SPRY3: variants seen among roughly 807,000 people sequenced by gnomAD.
The protein encoded by SPRY3 is protein sprouty homolog 3.
A neutral mutation model predicts 20.2 loss-of-function variants in SPRY3; 15 were observed. That is an observed-to-expected ratio of 0.74 (90% CI 0.50 to 1.14). The LOEUF (loss-of-function observed/expected upper bound fraction) is 1.14. Among genes scored for constraint, SPRY3 ranks in the 50% most tolerant of loss-of-function variants. The probability of loss-of-function intolerance (pLI) is 0.00; values close to 1 mark genes in which losing one functional copy is unlikely to be tolerated. For missense variants in SPRY3, 364 were observed against 363.9 expected (o/e 1.00, Z 0.00); for synonymous variants, 143 against 136.5 (o/e 1.05, Z -0.33).
Position 155,750,175 on chromosome X carries a change from G to A in SPRY3, c.-281-17787G>A, listed in dbSNP as rs1192033280. 1.3e-4 allele frequency among the ~76,000 whole-genome samples: 20 copies of A among 151,836 alleles called. No individual in the cohort carries two copies. In the Admixed American group the frequency reaches 1.3e-3, roughly 10 times the overall value. On this transcript the variant is annotated intron_variant, in intron 2 of 3. Transcript: ENST00000675360. ...CCATTATCCCAAGCAAACTAATGCAGGAACAGAAAACCAAATACCACATGT... is the reference window on the plus strand; with the variant it reads ...CCATTATCCCAAGCAAACTAATGCAAGAACAGAAAACCAAATACCACATGT...
intron 2 of SPRY3, among the ~76,000 whole-genome samples, chrX:155,759,679 A>G (rs1442115083): frequency 6.6e-6 from 1 of 152,168 alleles, no homozygotes; most frequent in Admixed American, 6.5e-5. Flanking sequence ...AATTTAGTAA[A>G]GGAAATAGGC....
At chrX:155,765,700 C>G (rs2091323796) in intron 2 of SPRY3, among the ~76,000 whole-genome samples, 1 of 152,060 alleles carries the variant, frequency 6.6e-6, no homozygotes, top group African/African-American at 2.4e-5. Context: ...TTAATATAGG[C>G]CCACAGAGTA....
chrX:155,713,869 T>C lies in SPRY3; in HGVS notation c.-281-54093T>C, dbSNP rs1401088016. Reference sequence around the variant, plus strand: ...AGACTATTTTCCAGATCTGTAGGCATACTTCATTTTTTTATTCTTTTTTAT... The same window carrying C: ...AGACTATTTTCCAGATCTGTAGGCACACTTCATTTTTTTATTCTTTTTTAT... On this transcript the variant is annotated intron_variant, in intron 2 of 3. Coordinates refer to ENST00000675360, the Ensembl canonical transcript of SPRY3. 2.0e-5 allele frequency among the ~76,000 whole-genome samples: 3 copies of C among 152,162 alleles called. No individual in the cohort carries two copies. In the East Asian group the frequency reaches 5.8e-4, roughly 29 times the overall value.
chrX:155,658,420 T>C (rs916645290), intron 2 of SPRY3, among the ~76,000 whole-genome samples: 1 of 111,998 alleles, frequency 8.9e-6, no homozygotes, highest in East Asian at 2.8e-4. Context: ...TTAAATACAT[T>C]CCTAGGTATT....
At chrX:155,685,498 T>C (rs1299493405) in intron 2 of SPRY3, among the ~76,000 whole-genome samples, 1 of 109,420 alleles carries the variant, frequency 9.1e-6, no homozygotes, top group Non-Finnish European at 1.9e-5. Context: ...GTTGTACATA[T>C]TATTTCCTCA....
At chrX:155,708,470 C>G (rs953131193) in intron 2 of SPRY3, among the ~76,000 whole-genome samples, 9 of 151,392 alleles carry the variant, frequency 5.9e-5, no homozygotes, top group African/African-American at 1.2e-4. Flanking sequence ...AGCATCTTGA[C>G]TAGGATGTGT....
intron 2 of SPRY3, among the ~76,000 whole-genome samples, chrX:155,669,575 C>T (rs2068034117): frequency 9.0e-6 from 1 of 110,937 alleles, no homozygotes; most frequent in African/African-American, 3.3e-5. Context: ...AAACATTAGA[C>T]AATTGAATCA....
intron 2 of SPRY3, among the ~76,000 whole-genome samples, chrX:155,733,972 G>A (rs908355777): frequency 1.3e-5 from 2 of 152,098 alleles, no homozygotes; most frequent in Non-Finnish European, 2.9e-5. Flanking sequence ...TGGCTTAATG[G>A]AATATTGTGG....
chrX:155,616,123 TCTCTCTCCTCTCTCTC>T, intron 1 of SPRY3, among the ~76,000 whole-genome samples: 1 of 50,874 alleles, frequency 2.0e-5, no homozygotes, highest in African/African-American at 4.7e-5. Context: ...TCTCTCTCTC[TCTCTCTCCTCTCTCTC>T]TCTCTCTCTC....
chrX:155,627,770 AT>A (rs2067893065), intron 1 of SPRY3, among the ~76,000 whole-genome samples: 1 of 109,959 alleles, frequency 9.1e-6, no homozygotes, highest in Non-Finnish European at 1.9e-5. Context: ...TCATCTAGGT[AT>A]TAAGCCCCAC....
chrX:155,633,842 G>A (rs1465783165), intron 1 of SPRY3, among the ~76,000 whole-genome samples: 1 of 111,894 alleles, frequency 8.9e-6, no homozygotes, highest in Admixed American at 9.5e-5. Context: ...TATTGTAGGA[G>A]GAGGCAAGTA....
At chrX:155,744,238 T>A (rs1463400654) in intron 2 of SPRY3, among the ~76,000 whole-genome samples, 1 of 151,972 alleles carries the variant, frequency 6.6e-6, no homozygotes, top group African/African-American at 2.4e-5. Flanking sequence ...CAGTAGAAAG[T>A]CCAGCCAAAT....
At chrX:155,715,428 G>A (rs1170936074) in intron 2 of SPRY3, among the ~76,000 whole-genome samples, 2 of 152,148 alleles carry the variant, frequency 1.3e-5, no homozygotes, top group Non-Finnish European at 2.9e-5. Context: ...TTATCTTGAT[G>A]TAGCTGAGCT....
At chrX:155,707,327 A>C (rs968836736) in intron 2 of SPRY3, among the ~76,000 whole-genome samples, 7 of 151,172 alleles carry the variant, frequency 4.6e-5, no homozygotes, top group Admixed American at 6.6e-5. Flanking sequence ...TTCTAATCTA[A>C]TTTGTTGTCA....
intron 2 of SPRY3, among the ~76,000 whole-genome samples, chrX:155,743,150 A>G (rs2091211244): frequency 6.6e-6 from 1 of 152,200 alleles, no homozygotes; most frequent in Non-Finnish European, 1.5e-5. Context: ...CACTGACCCC[A>G]TAGAAATACA....
chrX:155,754,247 G>A (rs1160677127), intron 2 of SPRY3, among the ~76,000 whole-genome samples: 1 of 151,878 alleles, frequency 6.6e-6, no homozygotes. Flanking sequence ...CTATGATTTT[G>A]AGTTAATTTT....
rs139786785 is a variant in SPRY3, at chrX:155,752,290, A to G, written c.-281-15672A>G. Among the ~76,000 whole-genome samples the G allele has an allele frequency of 3.0e-3, 462 of 151,830 alleles. 4 individuals carry two copies. Among genetic ancestry groups the G allele is most frequent in the African/African-American group, 0.011 (446 of 41,504 alleles). On this transcript the variant is annotated intron_variant, in intron 2 of 3. Coordinates refer to ENST00000675360, the Ensembl canonical transcript of SPRY3. Reference sequence around the variant, plus strand: ...ACTCAAATGGATCAAAGAGCTATCAAAAAATATGAAATCATCAAAAGATAA... The same window carrying G: ...ACTCAAATGGATCAAAGAGCTATCAGAAAATATGAAATCATCAAAAGATAA...
At chrX:155,766,518 C>G (rs1321090117) in intron 2 of SPRY3, among the ~76,000 whole-genome samples, 4 of 152,238 alleles carry the variant, frequency 2.6e-5, no homozygotes, top group South Asian at 2.1e-4. Flanking sequence ...ATGAGGTAAC[C>G]AAAGCATCCT....
At chrX:155,777,947 A>G (rs2091439827), downstream of SPRY3, 1 of 166,918 alleles carries the variant, frequency 6.0e-6, no homozygotes, top group Admixed American at 6.6e-5. Context: ...AATAATAAAT[A>G]TAGTGAATAC....
Sources: allele counts gnomAD v4.1 joint callset (sites outside exome capture counted in the v4.1 genomes callset), GRCh38; gene constraint gnomAD v4.1.1; transcripts MANE v1.5; gene names NCBI Gene and HGNC (gene_info 2026-07-23, HGNC 2026-07-21).